ADAMTSL1: variants seen among roughly 807,000 people sequenced by gnomAD.
The protein encoded by ADAMTSL1 is ADAMTS-like protein 1.
In ADAMTSL1, 126 loss-of-function variants were observed where a neutral mutation model predicts 201.8. The ratio of observed to expected loss-of-function variants is 0.62; its 90% CI spans 0.54 to 0.72. ADAMTSL1 has a LOEUF of 0.72. Ranked by LOEUF, ADAMTSL1 falls within the 30% of genes least tolerant of loss-of-function variation. ADAMTSL1 has a pLI of 0.00. For synonymous variants in ADAMTSL1, 1,121 were observed against 903.4 expected (o/e 1.24, Z -4.32); for missense variants, 2,679 against 2,277.8 (o/e 1.18, Z -3.59).
intron 2 of ADAMTSL1, among the ~76,000 whole-genome samples, chr9:18,206,993 C>T (rs990891810): frequency 4.0e-5 from 6 of 151,800 alleles, no homozygotes; most frequent in African/African-American, 7.3e-5. Flanking sequence ...GGTGAAACCC[C>T]GTCTCTACTA....
At chr9:18,313,049 C>G (rs12555902) in intron 2 of ADAMTSL1, among the ~76,000 whole-genome samples, 48,358 of 152,064 alleles carry the variant, frequency 0.32, 8,635 homozygotes, top group Admixed American at 0.51. Context: ...TGAAATAGCT[C>G]TTTAACCAGT....
At chr9:18,356,930 C>T (rs1439205873) in intron 2 of ADAMTSL1, among the ~76,000 whole-genome samples, 4 of 152,154 alleles carry the variant, frequency 2.6e-5, no homozygotes, top group Non-Finnish European at 5.9e-5. Flanking sequence ...AAGTCCATCA[C>T]TCCTAGTACA....
At chr9:18,603,315 A>C (rs1824780796) in intron 4 of ADAMTSL1, among the ~76,000 whole-genome samples, 1 of 152,068 alleles carries the variant, frequency 6.6e-6, no homozygotes. Context: ...TTAGATTCAG[A>C]TTTAGATCCA....
chr9:17,922,689 A>G (rs150095482), intron 1 of ADAMTSL1, among the ~76,000 whole-genome samples: 253 of 151,024 alleles, frequency 1.7e-3, no homozygotes, highest in African/African-American at 5.7e-3. Flanking sequence ...TTAGAGGGAG[A>G]GGTGGGAGTG....
At chr9:18,125,332 T>C (rs974870558) in intron 1 of ADAMTSL1, among the ~76,000 whole-genome samples, 2 of 152,142 alleles carry the variant, frequency 1.3e-5, no homozygotes, top group African/African-American at 4.8e-5. Flanking sequence ...ACCCCCATAA[T>C]TCAATCACCT....
intron 1 of ADAMTSL1, among the ~76,000 whole-genome samples, chr9:17,977,230 A>G (rs1027854426): frequency 6.6e-6 from 1 of 151,936 alleles, no homozygotes; most frequent in African/African-American, 2.4e-5. Flanking sequence ...GTTTGCCATT[A>G]TTTTATTGAT....
At chr9:18,497,318 C>T (rs1014375951) in intron 1 of ADAMTSL1, among the ~76,000 whole-genome samples, 3 of 148,218 alleles carry the variant, frequency 2.0e-5, no homozygotes, top group Non-Finnish European at 4.5e-5. Context: ...GGATACAGTT[C>T]TCCTGTTTTC....
chr9:17,954,437 G>A (rs911342423), intron 1 of ADAMTSL1, among the ~76,000 whole-genome samples: 2 of 152,182 alleles, frequency 1.3e-5, no homozygotes, highest in Non-Finnish European at 2.9e-5. Context: ...TTTGTTATTA[G>A]CAATTGTCTG....
intron 16 of ADAMTSL1, among the ~76,000 whole-genome samples, chr9:18,769,257 G>C (rs964058954): frequency 1.3e-5 from 2 of 152,286 alleles, no homozygotes; most frequent in African/African-American, 4.8e-5. Flanking sequence ...AGTTCTGAGA[G>C]GGGCACTCCT....
At chr9:18,779,974 A>G (rs1821289435) in intron 19 of ADAMTSL1, among the ~76,000 whole-genome samples, 1 of 152,188 alleles carries the variant, frequency 6.6e-6, no homozygotes, top group Admixed American at 6.5e-5. Flanking sequence ...GGAAATTAAC[A>G]TCTTCCTACT....
intron 2 of ADAMTSL1, among the ~76,000 whole-genome samples, chr9:18,263,763 G>A (rs889009629): frequency 6.6e-5 from 10 of 152,268 alleles, no homozygotes; most frequent in Non-Finnish European, 1.0e-4. Context: ...AAAGAGACTC[G>A]AGAAAGCTGG....
chr9:18,770,823 G>A, intron 17 of ADAMTSL1, 42 bp downstream of exon 17: 1 of 1,586,314 alleles, frequency 6.3e-7, no homozygotes, highest in Non-Finnish European at 8.6e-7. Context: ...GATCCAAGTA[G>A]GAAAAGAAGG....
At position 18,879,938 on chromosome 9, in the gene ADAMTSL1, C is replaced by T. The variant is rs1193462387; in HGVS notation, c.4250-7893C>T. Among the ~76,000 whole-genome samples, 2 of 152,206 alleles carry T rather than the reference C, an allele frequency of 1.3e-5. 1 individual carries two copies. The highest frequency in any genetic ancestry group is 4.1e-4 in the South Asian group (2 of 4,828). On this transcript the variant is annotated intron_variant, in intron 23 of 28. Coordinates refer to ENST00000380548, the MANE Select transcript of ADAMTSL1 (RefSeq NM_001040272.6). ...TTATTAATTAAGTTTATATAATATT[C>T]TAAATCCTTTGTCATCATTTCAACA...
intron 4 of ADAMTSL1, among the ~76,000 whole-genome samples, chr9:18,580,313 A>C (rs1823018386): frequency 1.3e-5 from 2 of 152,148 alleles, no homozygotes; most frequent in African/African-American, 4.8e-5. Context: ...CATTTTTAAT[A>C]ATTCCTGTGG....
intron 1 of ADAMTSL1, among the ~76,000 whole-genome samples, chr9:17,997,099 G>A (rs1425555284): frequency 2.0e-5 from 3 of 152,096 alleles, no homozygotes; most frequent in African/African-American, 4.8e-5. Flanking sequence ...GGTGCCATTA[G>A]CCTTTAGTAT....
chr9:18,545,929 C>A (rs537879249), intron 3 of ADAMTSL1, among the ~76,000 whole-genome samples: 19 of 152,288 alleles, frequency 1.2e-4, no homozygotes, highest in Admixed American at 1.2e-3. Flanking sequence ...AGCATCAAAT[C>A]TTCTCATTAA....
chr9:18,899,210 G>T (rs1390715669), intron 26 of ADAMTSL1, among the ~76,000 whole-genome samples: 1 of 152,042 alleles, frequency 6.6e-6, no homozygotes, highest in African/African-American at 2.4e-5. Context: ...GCTACAAAAA[G>T]AATAAAATAC....
At chr9:17,962,829 G>T (rs1205414267) in intron 1 of ADAMTSL1, among the ~76,000 whole-genome samples, 1 of 152,260 alleles carries the variant, frequency 6.6e-6, no homozygotes, top group East Asian at 1.9e-4. Context: ...ACAGCGTGCA[G>T]TTATTTCATG....
At chr9:18,019,595 G>T (rs1033505573) in intron 1 of ADAMTSL1, among the ~76,000 whole-genome samples, 1 of 152,054 alleles carries the variant, frequency 6.6e-6, no homozygotes, top group Non-Finnish European at 1.5e-5. Flanking sequence ...CTCAGCAGGA[G>T]CCCAAGGTAG....
Sources: gnomAD v4.1 joint callset for allele counts (sites outside exome capture counted in the v4.1 genomes callset) on GRCh38, gnomAD v4.1.1 for gene constraint, MANE v1.5 for transcripts, NCBI Gene and HGNC (gene_info 2026-07-23, HGNC 2026-07-21) for gene names.